Variants in DLC1 observed in about 807,000 individuals in gnomAD.
DLC1 encodes DLC1 Rho GTPase activating protein, also known as rho GTPase-activating protein 7.
A neutral mutation model predicts 140.3 loss-of-function variants in DLC1; 54 were observed. That is an observed-to-expected ratio of 0.38 (90% CI 0.31 to 0.48). The LOEUF (loss-of-function observed/expected upper bound fraction) is 0.48, where lower values mean the gene tolerates loss of function less well. DLC1 is among the 20% of genes least tolerant of loss of function. DLC1 has a pLI of 0.96. For missense variants in DLC1, 2,536 were observed against 1,907.0 expected, an observed-to-expected ratio of 1.33 and a Z score of -6.14; for synonymous variants, 986 against 728.1, an observed-to-expected ratio of 1.35 and a Z score of -5.70.
intron 5 of DLC1, among the ~76,000 whole-genome samples, chr8:13,147,067 C>G (rs1366668005): frequency 6.6e-6 from 1 of 152,114 alleles, no homozygotes; most frequent in Non-Finnish European, 1.5e-5. Context: ...TTCATTTGCC[C>G]TGGTTTGTCT....
chr8:13,351,555 G>C (rs150479235), intron 4 of DLC1, among the ~76,000 whole-genome samples: 2 of 152,164 alleles, frequency 1.3e-5, no homozygotes, highest in Middle Eastern at 3.2e-3. Context: ...AAAAATCACA[G>C]AAAATAGAAA....
intron 1 of DLC1, among the ~76,000 whole-genome samples, chr8:13,592,889 C>T (rs1008992753): frequency 3.3e-5 from 5 of 152,060 alleles, no homozygotes; most frequent in African/African-American, 1.2e-4. Context: ...GATTCTATTA[C>T]TTATAATTAA....
Position 13,099,205 on chromosome 8 carries a change from C to T in DLC1, c.2990+142G>A, listed in dbSNP as rs1013633154. 43 of 1,443,642 alleles carry T rather than the reference C, an allele frequency of 3.0e-5. No homozygotes were observed. In the Admixed American group the frequency reaches 1.2e-3, roughly 39 times the overall value. The allele number at this position is 1,443,642 out of a possible 1,614,324, so 89.4% of individuals were successfully genotyped here. On this transcript the variant is annotated intron_variant, in intron 9 of 17. Coordinates refer to ENST00000276297, the MANE Select transcript of DLC1 (RefSeq NM_182643.3). ...CTATCGATTTCTTTGAATTTTGGTG[C>T]TTCCTGGTTTGACACCTTCCTTAGG...
intron 5 of DLC1, among the ~76,000 whole-genome samples, chr8:13,125,423 G>A (rs1821467492): frequency 6.6e-6 from 1 of 152,222 alleles, no homozygotes; most frequent in East Asian, 1.9e-4. Context: ...ACACTTCAAT[G>A]CATAGAAGGC....
rs530739431 is a variant in DLC1, at chr8:13,461,184, T to A, written c.1023+37865A>T. 2.0e-5 allele frequency among the ~76,000 whole-genome samples: 3 copies of A among 152,356 alleles called. No homozygotes were observed. The South Asian group carries it at 6.2e-4, about 32-fold the overall frequency. The stretch of plus-strand genomic sequence containing the variant: ...ATGATGGTGCGAGTGCACCCCAGCC[T>A]GGCGGACAGAGCAAGAGCCTGTCTC... On this transcript the variant is annotated intron_variant, in intron 2 of 17. Transcript: ENST00000276297.
At chr8:13,544,429 A>G (rs1223789077) in intron 1 of DLC1, among the ~76,000 whole-genome samples, 1 of 152,180 alleles carries the variant, frequency 6.6e-6, no homozygotes, top group East Asian at 1.9e-4. Context: ...TATGAGGTTA[A>G]TCTGTACATA....
In DLC1 at chr8:13,115,577, C is replaced by G. The variant is rs374419027; in HGVS notation, c.1420+9G>C. 3 of 1,610,324 alleles carry G rather than the reference C, an allele frequency of 1.9e-6. No homozygotes were observed. The highest frequency in any genetic ancestry group is 2.7e-5 in the African/African-American group (2 of 74,772). The stretch of plus-strand genomic sequence containing the variant: ...TGCCAACTTTTAAAAAGTGGCATTC[C>G]CAGCTTACCTTCATAAAGCTGTGCA... On this transcript the variant is annotated intron_variant, in intron 6 of 17. Coordinates refer to ENST00000276297, the MANE Select transcript of DLC1 (RefSeq NM_182643.3).
At chr8:13,171,379 C>T (rs1164410348) in intron 5 of DLC1, among the ~76,000 whole-genome samples, 1 of 152,038 alleles carries the variant, frequency 6.6e-6, no homozygotes, top group African/African-American at 2.4e-5. Flanking sequence ...CTGTAGGTGC[C>T]CTACTTCCTT....
chr8:13,576,100 T>C (rs1804827146), intron 1 of DLC1, among the ~76,000 whole-genome samples: 2 of 152,178 alleles, frequency 1.3e-5, no homozygotes, highest in African/African-American at 2.4e-5. Flanking sequence ...TACTGGCCCT[T>C]AGATCACACT....
chr8:13,404,627 C>G (rs533439255), intron 2 of DLC1, among the ~76,000 whole-genome samples: 2 of 152,170 alleles, frequency 1.3e-5, no homozygotes, highest in South Asian at 4.1e-4. Context: ...ATTAACATTA[C>G]TAAGGAATTA....
chr8:13,592,378 CTTTTA>C (rs1444070069), intron 1 of DLC1, among the ~76,000 whole-genome samples: 1 of 151,708 alleles, frequency 6.6e-6, no homozygotes, highest in Non-Finnish European at 1.5e-5. Flanking sequence ...TTATATTTGT[CTTTTA>C]TTTGTTTTAT....
intron 5 of DLC1, among the ~76,000 whole-genome samples, chr8:13,151,082 G>T (rs1302146719): frequency 1.3e-5 from 2 of 152,188 alleles, no homozygotes; most frequent in Non-Finnish European, 2.9e-5. Flanking sequence ...AATATCTGGG[G>T]AAGTTGAATT....
chr8:13,128,692 GCAT>G (rs1821802438), intron 5 of DLC1, among the ~76,000 whole-genome samples: 1 of 152,094 alleles, frequency 6.6e-6, no homozygotes. Flanking sequence ...AATTAGCTGG[GCAT>G]TGTGGCGGCG....
Position 13,468,811 on chromosome 8 carries a change from C to CTTTTTTTTTTTTTTTTTTTTTTTT in DLC1, c.1023+30214_1023+30237dup, listed in dbSNP as rs78775803. ...GTTGATTCTCCCAATTTTATGTCTG[C>CTTTTTTTTTTTTTTTTTTTTTTTT]TTTTTTTTTTTTTTTTTTTTTTTTT... is the stretch of plus-strand genomic sequence containing the variant. On this transcript the variant is annotated intron_variant, in intron 2 of 17. Coordinates refer to ENST00000276297, the MANE Select transcript of DLC1 (RefSeq NM_182643.3). Among the ~76,000 whole-genome samples, 23 of 89,960 alleles carry CTTTTTTTTTTTTTTTTTTTTTTTT rather than the reference C, an allele frequency of 2.6e-4. 7 individuals carry two copies. The highest frequency in any genetic ancestry group is 3.9e-4 in the Non-Finnish European group (20 of 50,690). 59.0% of individuals were successfully genotyped at this position (89,960 alleles called of 152,430 possible).
At chr8:13,182,729 T>C (rs1314785378) in intron 5 of DLC1, among the ~76,000 whole-genome samples, 15 of 150,446 alleles carry the variant, frequency 1.0e-4, no homozygotes, top group South Asian at 4.2e-4. Flanking sequence ...TGTAGCCTTG[T>C]AGTATAGTTT....
chr8:13,295,446 A>G (rs577607901), intron 5 of DLC1, among the ~76,000 whole-genome samples: 19 of 152,362 alleles, frequency 1.2e-4, no homozygotes, highest in African/African-American at 4.6e-4. Context: ...CTTCTCCTGC[A>G]TTAGATTAGA....
At chr8:13,529,853 A>G (rs1170347782) in intron 1 of DLC1, among the ~76,000 whole-genome samples, 1 of 151,948 alleles carries the variant, frequency 6.6e-6, no homozygotes, top group African/African-American at 2.4e-5. Flanking sequence ...TTTTTTTTCT[A>G]TTGTGAGCTC....
intron 5 of DLC1, among the ~76,000 whole-genome samples, chr8:13,187,151 A>AT (rs1826420051): frequency 1.1e-5 from 1 of 95,004 alleles, no homozygotes; most frequent in Non-Finnish European, 2.4e-5. Flanking sequence ...TCCCTGCTTT[A>AT]CTTTTTTTTC....
chr8:13,390,784 A>G (rs1177552821), intron 4 of DLC1, among the ~76,000 whole-genome samples: 3 of 152,094 alleles, frequency 2.0e-5, no homozygotes, highest in African/African-American at 7.2e-5. Flanking sequence ...TTAGGAGATC[A>G]AGACCATCTT....
Sources: gnomAD v4.1 joint callset for allele counts (sites outside exome capture counted in the v4.1 genomes callset) on GRCh38, gnomAD v4.1.1 for gene constraint, MANE v1.5 for transcripts, NCBI Gene and HGNC (gene_info 2026-07-23, HGNC 2026-07-21) for gene names.